Variants in AOAH observed in about 807,000 individuals in gnomAD.
The protein encoded by AOAH is acyloxyacyl hydrolase (neutrophil).
AOAH carries 64 observed loss-of-function variants against 92.2 expected under a neutral mutation model. The ratio of observed to expected loss-of-function variants is 0.69; its 90% CI spans 0.57 to 0.86. The LOEUF is 0.86. Among genes scored for constraint, AOAH ranks in the 40% least tolerant of loss-of-function variants. AOAH has a pLI of 0.00. For synonymous variants in AOAH, 263 were observed against 254.5 expected (o/e 1.03, Z -0.32); for missense variants, 656 against 694.6 (o/e 0.94, Z 0.62).
chr7:36,675,040 C>T (rs9639736), intron 2 of AOAH, among the ~76,000 whole-genome samples: 6 of 152,018 alleles, frequency 3.9e-5, no homozygotes, highest in African/African-American at 1.5e-4. Flanking sequence ...AGATCGCCTG[C>T]GGTCAGGAGT....
At chr7:36,523,522 A>G in intron 19 of AOAH, among the ~76,000 whole-genome samples, 1 of 151,732 alleles carries the variant, frequency 6.6e-6, no homozygotes, top group Non-Finnish European at 1.5e-5. Flanking sequence ...GCCAGCATGC[A>G]GCTTTCAACA....
chr7:36,632,587 G>C (rs1793201751), intron 5 of AOAH, among the ~76,000 whole-genome samples: 1 of 152,176 alleles, frequency 6.6e-6, no homozygotes, highest in Non-Finnish European at 1.5e-5. Flanking sequence ...TGAGCTGTGG[G>C]TTTCTAGACA....
At position 36,724,041 on chromosome 7, in the gene AOAH, C is replaced by A. The variant is rs2228412; in HGVS notation, c.108G>T (p.Ser36=). Reference sequence around the variant, plus strand: ...GCATACCTACACAGGTGTGCCCATTCGAGAGGCTGGGCCTGGACTGGTCAT... The same window carrying A: ...GCATACCTACACAGGTGTGCCCATTAGAGAGGCTGGGCCTGGACTGGTCAT... ...ANDDQSRPSL[S]NGHTCVGCVL... is the part of the protein sequence containing the mutation. The change falls in exon 1 of 21, where the codon TCG becomes TCT. Residue 36 remains serine (S), a synonymous_variant. Coordinates refer to ENST00000617537, the MANE Select transcript of AOAH (RefSeq NM_001637.4). The A allele has an allele frequency of 1.2e-6, 2 of 1,613,574 alleles. No individual in the cohort carries two copies. Among genetic ancestry groups the A allele is most frequent in the East Asian group, 4.5e-5 (2 of 44,840 alleles).
In AOAH at chr7:36,566,711, C is replaced by A. The variant is rs566787913; in HGVS notation, c.1021+9863G>T. Among the ~76,000 whole-genome samples, 9 of 152,268 alleles carry A rather than the reference C, an allele frequency of 5.9e-5. No individual in the cohort carries two copies. In the East Asian group the frequency reaches 1.7e-3, roughly 29 times the overall value. ...GGGTGAGTGGACTCAAGCATGCACA[C>A]TGAGAGGCAACATGGTGGCATGTAA... On this transcript the variant is annotated intron_variant, in intron 13 of 20. Coordinates refer to ENST00000617537, the MANE Select transcript of AOAH (RefSeq NM_001637.4).
chr7:36,569,505 CTAT>C (rs1787954638), intron 13 of AOAH, among the ~76,000 whole-genome samples: 2 of 151,626 alleles, frequency 1.3e-5, no homozygotes, highest in African/African-American at 4.9e-5. Context: ...ATCTATCTAT[CTAT>C]CTATCTGTCT....
In AOAH at chr7:36,704,363, C is replaced by T. The variant is rs138995950; in HGVS notation, c.128-17569G>A. ...CAGAAGCTCTTTAGTTTATAAACAC[C>T]TCTATGCAAATAAACTAGAAAATCT... On this transcript the variant is annotated intron_variant, in intron 1 of 20. Transcript: ENST00000617537. Among the ~76,000 whole-genome samples the T allele has an allele frequency of 4.3e-3, 652 of 152,196 alleles. 10 individuals carry two copies. In the East Asian group the frequency reaches 0.055, roughly 13 times the overall value.
intron 1 of AOAH, among the ~76,000 whole-genome samples, chr7:36,720,252 C>T (rs577159430): frequency 1.3e-5 from 2 of 151,934 alleles, no homozygotes; most frequent in South Asian, 2.1e-4. Flanking sequence ...TGGGTTCAAG[C>T]GATTCTTCTG....
At position 36,549,518 on chromosome 7, in the gene AOAH, C is replaced by T. The variant is rs575253954; in HGVS notation, c.1022-43G>A. On this transcript the variant is annotated intron_variant, in intron 13 of 20. Coordinates refer to ENST00000617537, the MANE Select transcript of AOAH (RefSeq NM_001637.4). ...AGAAAACAATTAAAGTTAGTGAGTT[C>T]AATTTCACACTATCAATATGGGAGT... 47 of 1,317,040 alleles carry T rather than the reference C, an allele frequency of 3.6e-5. No homozygotes were observed. The African/African-American group carries it at 6.7e-4, about 19-fold the overall frequency. The allele number at this position is 1,317,040 out of a possible 1,614,324, so 81.6% of individuals were successfully genotyped here.
chr7:36,676,023 T>C (rs1796236570), intron 2 of AOAH, among the ~76,000 whole-genome samples: 1 of 152,190 alleles, frequency 6.6e-6, no homozygotes, highest in Non-Finnish European at 1.5e-5. Flanking sequence ...TGATATTTAG[T>C]GGTGAAAAAT....
In AOAH at chr7:36,516,564, G is replaced by A. The variant is rs981323259; in HGVS notation, c.1600-3184C>T. Among the ~76,000 whole-genome samples, 1 of 152,166 alleles carries A rather than the reference G, an allele frequency of 6.6e-6. No homozygotes were observed. The highest frequency in any genetic ancestry group is 2.4e-5 in the African/African-American group (1 of 41,422). ...CAGGAGCATGTCAAAGGCTGCCTGCGAAGCTGGCCAGTGCTCCAGGGAGGG... is the reference window on the plus strand; with the variant it reads ...CAGGAGCATGTCAAAGGCTGCCTGCAAAGCTGGCCAGTGCTCCAGGGAGGG... On this transcript the variant is annotated intron_variant, in intron 20 of 20. Transcript: ENST00000617537. The surrounding 1 kb of genome is among the most constrained non-coding windows in gnomAD (Gnocchi z 5.0).
At chr7:36,600,634 A>G (rs1790500469) in intron 11 of AOAH, among the ~76,000 whole-genome samples, 1 of 152,138 alleles carries the variant, frequency 6.6e-6, no homozygotes, top group Non-Finnish European at 1.5e-5. Flanking sequence ...GGAACAAGAA[A>G]GGGAGAGGTG....
intron 1 of AOAH, among the ~76,000 whole-genome samples, chr7:36,688,276 C>T (rs1326087798): frequency 6.6e-6 from 1 of 151,940 alleles, no homozygotes; most frequent in Non-Finnish European, 1.5e-5. Flanking sequence ...AAACACAATG[C>T]AACCTTATTT....
intron 18 of AOAH, among the ~76,000 whole-genome samples, chr7:36,531,936 C>T (rs1459859259): frequency 6.6e-6 from 1 of 152,098 alleles, no homozygotes; most frequent in Non-Finnish European, 1.5e-5. Flanking sequence ...CTGAGAAACA[C>T]AGTCAGCAGA....
intron 1 of AOAH, among the ~76,000 whole-genome samples, chr7:36,701,004 G>A (rs1331230480): frequency 1.3e-5 from 2 of 151,950 alleles, no homozygotes; most frequent in African/African-American, 4.8e-5. Context: ...GTCTATTCAT[G>A]TCCTTTGCCC....
chr7:36,608,535 C>T (rs1049811772), intron 11 of AOAH, among the ~76,000 whole-genome samples: 3 of 152,118 alleles, frequency 2.0e-5, no homozygotes, highest in Admixed American at 1.3e-4. Context: ...AAATGATTCC[C>T]GATTTCTGAC....
rs1348394071 is a variant in AOAH at position 36,724,161 on chromosome 7, C to T, written c.-13G>A. On this transcript the variant is annotated 5_prime_UTR_variant, in exon 1 of 21. Coordinates refer to ENST00000617537, the MANE Select transcript of AOAH (RefSeq NM_001637.4). The stretch of plus-strand genomic sequence containing the variant: ...AGGGGGACTGCATCTCCGAGCTATG[C>T]ACCCCAAGTGATCACCCGGCTTTGG... The T allele has an allele frequency of 6.2e-7, 1 of 1,611,910 alleles. No homozygotes were observed. The highest frequency in any genetic ancestry group is 8.5e-7 in the Non-Finnish European group (1 of 1,178,634).
chr7:36,582,246 A>AG (rs1343191159), intron 12 of AOAH, among the ~76,000 whole-genome samples: 3 of 152,148 alleles, frequency 2.0e-5, no homozygotes, highest in African/African-American at 7.2e-5. Flanking sequence ...ATGTGCTAGG[A>AG]GGAGGTGACT....
At chr7:36,612,566 A>G (rs1432607742) in intron 11 of AOAH, among the ~76,000 whole-genome samples, 1 of 152,214 alleles carries the variant, frequency 6.6e-6, no homozygotes, top group Non-Finnish European at 1.5e-5. Flanking sequence ...AAATTTGCAG[A>G]TGTGAAATTA....
chr7:36,687,759 A>G (rs971231425), intron 1 of AOAH, among the ~76,000 whole-genome samples: 3 of 152,202 alleles, frequency 2.0e-5, no homozygotes, highest in East Asian at 1.9e-4. Context: ...TTGTCCATCA[A>G]TGCAAGGAGC....
Sources: allele counts gnomAD v4.1 joint callset (sites outside exome capture counted in the v4.1 genomes callset), GRCh38; gene constraint gnomAD v4.1.1; non-coding constraint Gnocchi (gnomAD v3.1); transcripts MANE v1.5; gene names NCBI Gene and HGNC (gene_info 2026-07-23, HGNC 2026-07-21).